BTBD9: variants seen among roughly 807,000 people sequenced by gnomAD.
The protein encoded by BTBD9 is BTB domain containing 9.
Under a neutral mutation model 64.3 loss-of-function variants are expected in BTBD9, and 49 were observed. The observed-to-expected ratio is 0.76, with a 90% confidence interval of 0.61 to 0.97. The LOEUF (loss-of-function observed/expected upper bound fraction) is 0.97. Ranked by LOEUF, BTBD9 falls within the 50% of genes least tolerant of loss-of-function variation. The pLI, the probability that BTBD9 is intolerant of heterozygous loss-of-function variation, is 0.00. For synonymous variants in BTBD9, 260 were observed against 274.7 expected, an observed-to-expected ratio of 0.95 and a Z score of 0.53; for missense variants, 598 against 762.1, an observed-to-expected ratio of 0.78 and a Z score of 2.53.
chr6:38,528,013 AG>A (rs1476833283), intron 6 of BTBD9, among the ~76,000 whole-genome samples: 2 of 152,134 alleles, frequency 1.3e-5, no homozygotes, highest in Non-Finnish European at 2.9e-5. Context: ...GGCACTGAAG[AG>A]GGTAGGAAAG....
intron 9 of BTBD9, among the ~76,000 whole-genome samples, chr6:38,199,549 CA>C (rs1278777325): frequency 2.0e-5 from 3 of 152,156 alleles, no homozygotes; most frequent in African/African-American, 7.2e-5. Flanking sequence ...ACAAATTTAT[CA>C]GCGTTAAAAA....
Position 38,400,134 on chromosome 6 carries a change from T to C in BTBD9, c.1155-55041A>G, listed in dbSNP as rs58604640. 3.4e-3 allele frequency among the ~76,000 whole-genome samples: 516 copies of C among 152,218 alleles called. 2 individuals are homozygous for C. The highest frequency in any genetic ancestry group is 0.012 in the African/African-American group (494 of 41,530). On this transcript the variant is annotated intron_variant, in intron 6 of 10. Transcript: ENST00000481247. ...TCCAAGGCATACCTCTGTACCTGTG[T>C]TCCTGACCCCATCGGGTCCTGTTTC... is the stretch of plus-strand genomic sequence containing the variant.
Position 38,595,994 on chromosome 6 carries a change from C to T in BTBD9, c.186-1667G>A, listed in dbSNP as rs1254264932. The T allele has an allele frequency of 4.1e-6, 4 of 985,220 alleles. No individual in the cohort carries two copies. In the African/African-American group the frequency reaches 7.0e-5, roughly 17 times the overall value. The allele number at this position is 985,220 out of a possible 1,614,324, so 61.0% of individuals were successfully genotyped here. A position where few individuals can be genotyped will look rare whatever the true frequency, so the allele number is the denominator to read the frequency against. ...CCCTTGGAACAATAAACATGAACCC[C>T]CAACTTCAACAAGGAGACAAGCACA... On this transcript the variant is annotated intron_variant, in intron 2 of 10. Transcript: ENST00000481247.
intron 6 of BTBD9, among the ~76,000 whole-genome samples, chr6:38,488,709 T>A (rs1006645763): frequency 6.6e-6 from 1 of 152,172 alleles, no homozygotes; most frequent in Admixed American, 6.5e-5. Flanking sequence ...CCCATTTTGT[T>A]AAGAAAAATT....
At chr6:38,506,185 C>G (rs1303914818) in intron 6 of BTBD9, among the ~76,000 whole-genome samples, 1 of 152,056 alleles carries the variant, frequency 6.6e-6, no homozygotes, top group Non-Finnish European at 1.5e-5. Flanking sequence ...ACAGATGATC[C>G]TTGTTTTACA....
chr6:38,423,345 C>T (rs1305205992), intron 6 of BTBD9, among the ~76,000 whole-genome samples: 1 of 151,934 alleles, frequency 6.6e-6, no homozygotes, highest in Non-Finnish European at 1.5e-5. Flanking sequence ...TGTTCTGTTA[C>T]CCAGGCTGGA....
intron 7 of BTBD9, among the ~76,000 whole-genome samples, chr6:38,295,318 T>C (rs778724675): frequency 1.3e-4 from 19 of 151,804 alleles, no homozygotes; most frequent in Admixed American, 2.0e-4. Flanking sequence ...GCAGGTGCCA[T>C]CATGCCTGGC....
chr6:38,429,615 A>G (rs1192602263), intron 6 of BTBD9, among the ~76,000 whole-genome samples: 4 of 151,970 alleles, frequency 2.6e-5, no homozygotes, highest in Admixed American at 2.0e-4. Flanking sequence ...ATCAAGTTAC[A>G]CTGCATCTAC....
At chr6:38,396,897 C>CTTTTTTTTTT (rs146597621) in intron 6 of BTBD9, among the ~76,000 whole-genome samples, 8 of 107,398 alleles carry the variant, frequency 7.4e-5, no homozygotes, top group Non-Finnish European at 9.1e-5. Flanking sequence ...TTTTCTTTTT[C>CTTTTTTTTTT]TTTTTTTTTT....
At chr6:38,512,201 G>T (rs1274138872) in intron 6 of BTBD9, among the ~76,000 whole-genome samples, 1 of 151,990 alleles carries the variant, frequency 6.6e-6, no homozygotes, top group Non-Finnish European at 1.5e-5. Flanking sequence ...TCAAACTCCC[G>T]ATCTCAGGTG....
intron 6 of BTBD9, among the ~76,000 whole-genome samples, chr6:38,427,055 C>T (rs1350850974): frequency 1.3e-5 from 2 of 151,744 alleles, no homozygotes; most frequent in Non-Finnish European, 2.9e-5. Context: ...GACCTCTCTG[C>T]CCTCCACAGC....
rs372624753 is a variant in BTBD9, at chr6:38,334,575, AATAACATAACATAACATAAC to A, written c.1264+10389_1264+10408del. On this transcript the variant is annotated intron_variant, in intron 7 of 10. Transcript: ENST00000481247. ...CAGAGCGAGACTCCATCTCAAAAAT[AATAACATAACATAACATAAC>A]ATAACATAACATAACATAACATAAC... Among the ~76,000 whole-genome samples the A allele has an allele frequency of 2.7e-3, 381 of 142,512 alleles. 1 individual carries two copies. Among genetic ancestry groups the A allele is most frequent in the African/African-American group, 8.3e-3 (312 of 37,714 alleles). 93.5% of individuals were successfully genotyped at this position (142,512 alleles called of 152,430 possible). A position where few individuals can be genotyped will look rare whatever the true frequency, so the allele number is the denominator to read the frequency against.
In BTBD9 at chr6:38,169,314, A is replaced by G. The variant is rs1766649589; in HGVS notation, c.*5671T>C. On this transcript the variant is annotated 3_prime_UTR_variant, in exon 11 of 11. Coordinates refer to ENST00000481247, the MANE Select transcript of BTBD9 (RefSeq NM_001099272.2). Reference sequence around the variant, plus strand: ...CAGCAACTCAGGACTAGCAGCAGCCATCAGGGGCTGTGGTGCAGGAGCAGC... The same window carrying G: ...CAGCAACTCAGGACTAGCAGCAGCCGTCAGGGGCTGTGGTGCAGGAGCAGC... 1 of 152,510 alleles carries G rather than the reference A, an allele frequency of 6.6e-6. No individual in the cohort carries two copies. Among genetic ancestry groups the G allele is most frequent in the East Asian group, 1.9e-4 (1 of 5,194 alleles). The allele number at this position is 152,510 out of a possible 1,614,324, so 9.4% of individuals were successfully genotyped here. A position where few individuals can be genotyped will look rare whatever the true frequency, so the allele number is the denominator to read the frequency against.
intron 6 of BTBD9, among the ~76,000 whole-genome samples, chr6:38,385,829 C>G (rs1265220699): frequency 7.2e-6 from 1 of 139,554 alleles, no homozygotes; most frequent in Non-Finnish European, 1.5e-5. Context: ...GAGTCTCACT[C>G]TGTCACCCAG....
chr6:38,484,074 G>A lies in BTBD9; in HGVS notation c.1154+93526C>T, dbSNP rs116061426. Among the ~76,000 whole-genome samples, 475 of 152,234 alleles carry A rather than the reference G, an allele frequency of 3.1e-3. 2 individuals carry two copies. Among genetic ancestry groups the A allele is most frequent in the African/African-American group, 0.011 (451 of 41,514 alleles). On this transcript the variant is annotated intron_variant, in intron 6 of 10. Coordinates refer to ENST00000481247, the MANE Select transcript of BTBD9 (RefSeq NM_001099272.2). The stretch of plus-strand genomic sequence containing the variant: ...GTGTTTAGTATATTGTGGGTGCTCC[G>A]TAAACATTTTACTCAATGGATAAAT...
intron 9 of BTBD9, among the ~76,000 whole-genome samples, chr6:38,239,312 C>T (rs991130604): frequency 2.0e-5 from 3 of 151,712 alleles, no homozygotes; most frequent in Non-Finnish European, 2.9e-5. Flanking sequence ...TGGTGGCGCA[C>T]GTCTGCAGTC....
chr6:38,423,797 G>A (rs979974953), intron 6 of BTBD9, among the ~76,000 whole-genome samples: 1 of 149,738 alleles, frequency 6.7e-6, no homozygotes, highest in Admixed American at 6.6e-5. Context: ...TGGTAAGGCA[G>A]ATACAATGCA....
chr6:38,596,706 C>A (rs1364703399), intron 2 of BTBD9, among the ~76,000 whole-genome samples: 1 of 150,936 alleles, frequency 6.6e-6, no homozygotes, highest in African/African-American at 2.4e-5. Flanking sequence ...GAGGCTGAGG[C>A]AGGAGAATGG....
chr6:38,368,290 A>G (rs953431056), intron 6 of BTBD9, among the ~76,000 whole-genome samples: 2 of 152,166 alleles, frequency 1.3e-5, no homozygotes, highest in African/African-American at 4.8e-5. Flanking sequence ...TTGGGGGAAT[A>G]CATTGCCCCT....
Sources: allele counts gnomAD v4.1 joint callset (sites outside exome capture counted in the v4.1 genomes callset), GRCh38; gene constraint gnomAD v4.1.1; transcripts MANE v1.5; gene names NCBI Gene and HGNC (gene_info 2026-07-23, HGNC 2026-07-21).